TMEM74: variants seen among roughly 807,000 people sequenced by gnomAD.
TMEM74 encodes transmembrane protein 74.
TMEM74 carries 13 observed loss-of-function variants against 18.1 expected under a neutral mutation model. The ratio of observed to expected loss-of-function variants is 0.72; its 90% CI spans 0.47 to 1.14. TMEM74 has a LOEUF of 1.14. TMEM74 is among the 50% of genes most tolerant of loss of function. The pLI, the probability that TMEM74 is intolerant of heterozygous loss-of-function variation, is 0.00. For synonymous variants in TMEM74, 159 were observed against 146.6 expected, an observed-to-expected ratio of 1.08 and a Z score of -0.61; for missense variants, 372 against 375.9, an observed-to-expected ratio of 0.99 and a Z score of 0.09.
intron 2 of TMEM74, chr8:108,608,958 T>C (rs1812306556): frequency 6.6e-6 from 1 of 152,148 alleles, no homozygotes; most frequent in Non-Finnish European, 1.5e-5. Flanking sequence ...GTATGAAAAA[T>C]GTGTATGCTG....
chr8:108,741,734 G>C (rs1813803175), intron 1 of TMEM74, among the ~76,000 whole-genome samples: 1 of 152,142 alleles, frequency 6.6e-6, no homozygotes. Context: ...GAAACTACTT[G>C]GGAAACAAGG....
At chr8:108,625,979 A>C (rs188057439) in intron 2 of TMEM74, among the ~76,000 whole-genome samples, 8 of 152,150 alleles carry the variant, frequency 5.3e-5, no homozygotes, top group African/African-American at 1.9e-4. Context: ...TAATTGAATC[A>C]CTCAATAATG....
intron 2 of TMEM74, among the ~76,000 whole-genome samples, chr8:108,615,910 C>T (rs1490351137): frequency 1.3e-5 from 2 of 149,712 alleles, no homozygotes; most frequent in African/African-American, 2.5e-5. Flanking sequence ...CCTCAGCCTC[C>T]TGAATAGCTG....
intron 1 of TMEM74, among the ~76,000 whole-genome samples, chr8:108,704,135 C>T (rs1239880431): frequency 1.3e-5 from 2 of 152,134 alleles, no homozygotes; most frequent in African/African-American, 4.8e-5. Context: ...GTCAACTTGC[C>T]TGTTTATATC....
chr8:108,610,996 G>A (rs1812328666), intron 2 of TMEM74, among the ~76,000 whole-genome samples: 1 of 152,162 alleles, frequency 6.6e-6, no homozygotes, highest in African/African-American at 2.4e-5. Context: ...AGAGTGGAAA[G>A]GACTGGATAA....
At chr8:108,672,636 T>C (rs1014678360) in intron 1 of TMEM74, among the ~76,000 whole-genome samples, 5 of 152,194 alleles carry the variant, frequency 3.3e-5, no homozygotes, top group Non-Finnish European at 5.9e-5. Flanking sequence ...ATTTGGGTCA[T>C]TGGAATGTGC....
At chr8:108,775,612 T>C (rs1371235864), downstream of TMEM74, among the ~76,000 whole-genome samples, 1 of 152,236 alleles carries the variant, frequency 6.6e-6, no homozygotes, top group African/African-American at 2.4e-5. Flanking sequence ...GATGCTCTTT[T>C]GAGATTATAA....
chr8:108,660,713 C>A (rs999251780), intron 1 of TMEM74, among the ~76,000 whole-genome samples: 1 of 152,156 alleles, frequency 6.6e-6, no homozygotes, highest in South Asian at 2.1e-4. Context: ...CATAAACCTG[C>A]CCCTTTTTCA....
At chr8:108,754,634 G>A (rs1485015168) in intron 1 of TMEM74, among the ~76,000 whole-genome samples, 3 of 150,120 alleles carry the variant, frequency 2.0e-5, no homozygotes, top group African/African-American at 4.9e-5. Flanking sequence ...GAGCCAATAG[G>A]ATGGATAGGT....
At chr8:108,706,689 C>T (rs1813414363) in intron 1 of TMEM74, among the ~76,000 whole-genome samples, 1 of 151,484 alleles carries the variant, frequency 6.6e-6, no homozygotes, top group South Asian at 2.1e-4. Flanking sequence ...CAGGATTATC[C>T]ATATTTTTTC....
intron 1 of TMEM74, among the ~76,000 whole-genome samples, chr8:108,729,656 A>G (rs1172039524): frequency 2.0e-5 from 3 of 152,210 alleles, no homozygotes; most frequent in Non-Finnish European, 4.4e-5. Context: ...TTACCTCTCA[A>G]GAAGAGAGGT....
At chr8:108,667,914 A>G (rs771825134) in intron 1 of TMEM74, among the ~76,000 whole-genome samples, 3 of 152,132 alleles carry the variant, frequency 2.0e-5, no homozygotes, top group Non-Finnish European at 4.4e-5. Context: ...GAAGCAGAAC[A>G]ATGCTGTCAT....
At chr8:108,699,221 C>T (rs1180859512) in intron 1 of TMEM74, among the ~76,000 whole-genome samples, 3 of 145,860 alleles carry the variant, frequency 2.1e-5, no homozygotes, top group South Asian at 2.3e-4. Flanking sequence ...CTCTCCCTCC[C>T]TCCTTCTCTC....
intron 1 of TMEM74, among the ~76,000 whole-genome samples, chr8:108,668,807 A>G (rs1812974489): frequency 6.6e-6 from 1 of 152,114 alleles, no homozygotes. Flanking sequence ...TTTTTTGTCA[A>G]TCTTGAGACT....
chr8:108,729,982 G>A (rs1027824289), intron 1 of TMEM74, among the ~76,000 whole-genome samples: 3 of 152,096 alleles, frequency 2.0e-5, no homozygotes, highest in Non-Finnish European at 4.4e-5. Context: ...TGGACCCCAC[G>A]AATACTTCCA....
chr8:108,784,042 CA>C lies in TMEM74; in HGVS notation c.*138del, dbSNP rs375056069. The C allele has an allele frequency of 6.8e-6, 5 of 740,580 alleles. No individual in the cohort carries two copies. The African/African-American group carries it at 7.1e-5, about 11-fold the overall frequency. The allele number at this position is 740,580 out of a possible 1,614,324, so 45.9% of individuals were successfully genotyped here. ...TTCTAAATAGAAGACACATAGAGAA[CA>C]AAAACACTTACTGGCTGTTGGTTTG... On this transcript the variant is annotated 3_prime_UTR_variant, in exon 2 of 2. Coordinates refer to ENST00000297459, the MANE Select transcript of TMEM74 (RefSeq NM_153015.3).
At chr8:108,702,343 TAA>T (rs1242874088) in intron 1 of TMEM74, among the ~76,000 whole-genome samples, 11 of 95,086 alleles carry the variant, frequency 1.2e-4, no homozygotes, top group Non-Finnish European at 1.2e-4. Flanking sequence ...AGACTCCATC[TAA>T]AAAAAAAAAA....
chr8:108,786,730 CT>C (rs2129676934), intron 1 of TMEM74, among the ~76,000 whole-genome samples: 1 of 152,296 alleles, frequency 6.6e-6, no homozygotes, highest in East Asian at 1.9e-4. Context: ...ACCGATAACT[CT>C]TCTTCCAGTT....
At chr8:108,715,923 T>C (rs1813518979) in intron 1 of TMEM74, among the ~76,000 whole-genome samples, 1 of 152,078 alleles carries the variant, frequency 6.6e-6, no homozygotes, top group African/African-American at 2.4e-5. Context: ...GTGAAAGATA[T>C]TCATTAAGCC....
Sources: gnomAD v4.1 joint callset for allele counts (sites outside exome capture counted in the v4.1 genomes callset) on GRCh38, gnomAD v4.1.1 for gene constraint, MANE v1.5 for transcripts, NCBI Gene and HGNC (gene_info 2026-07-23, HGNC 2026-07-21) for gene names.